SSBP2: variants seen among roughly 807,000 people sequenced by gnomAD.
SSBP2 encodes single-stranded DNA-binding protein 2.
In SSBP2, 17 loss-of-function variants were observed where a neutral mutation model predicts 61.8. That is an observed-to-expected ratio of 0.28 (90% confidence interval 0.19 to 0.41). SSBP2 has a LOEUF of 0.41. SSBP2 is among the 10% of genes least tolerant of loss of function. SSBP2 has a pLI of 1.00. For missense variants in SSBP2, 310 were observed against 458.7 expected, an observed-to-expected ratio of 0.68 and a Z score of 2.96; for synonymous variants, 139 against 141.3, an observed-to-expected ratio of 0.98 and a Z score of 0.12.
chr5:81,650,609 C>T (rs1218539373), intron 1 of SSBP2, among the ~76,000 whole-genome samples: 1 of 152,038 alleles, frequency 6.6e-6, no homozygotes. Flanking sequence ...TCTCACTTAT[C>T]ATAAGCTCAT....
At chr5:81,525,766 C>T (rs1260085069) in intron 4 of SSBP2, among the ~76,000 whole-genome samples, 1 of 152,044 alleles carries the variant, frequency 6.6e-6, no homozygotes, top group Admixed American at 6.6e-5. Context: ...ATAAGCTCTC[C>T]AAGGCAGATC....
At chr5:81,554,671 A>C (rs1159453140) in intron 4 of SSBP2, among the ~76,000 whole-genome samples, 1 of 149,318 alleles carries the variant, frequency 6.7e-6, no homozygotes, top group Non-Finnish European at 1.5e-5. Flanking sequence ...GACAAATAGA[A>C]AAAGAGGTTT....
At position 81,420,468 on chromosome 5, in the gene SSBP2, C is replaced by T; in HGVS notation, c.*36G>A. ...CCGTAGTAGTTCTGTGAAGGGCTGA[C>T]TCACTGTGGTTTTCATGAGGAGACT... On this transcript the variant is annotated 3_prime_UTR_variant, in exon 17 of 17. Coordinates refer to ENST00000320672, the MANE Select transcript of SSBP2 (RefSeq NM_012446.5). 1 of 1,603,348 alleles carries T rather than the reference C, an allele frequency of 6.2e-7. No individual in the cohort carries two copies. Among genetic ancestry groups the T allele is most frequent in the Non-Finnish European group, 8.5e-7 (1 of 1,170,292 alleles).
chr5:81,690,876 A>G (rs903399477), intron 1 of SSBP2, among the ~76,000 whole-genome samples: 4 of 152,154 alleles, frequency 2.6e-5, no homozygotes, highest in African/African-American at 9.6e-5. Flanking sequence ...AACTTCTTTG[A>G]CCACAATGAA....
At chr5:81,488,294 C>T (rs1215120603) in intron 6 of SSBP2, among the ~76,000 whole-genome samples, 1 of 151,470 alleles carries the variant, frequency 6.6e-6, no homozygotes, top group Admixed American at 6.6e-5. Context: ...GAAGAATCTC[C>T]ATACTGTTTT....
chr5:81,745,601 C>A (rs78272302), intron 1 of SSBP2, among the ~76,000 whole-genome samples: 1,559 of 152,100 alleles, frequency 0.01, 22 homozygotes, highest in African/African-American at 0.036. Flanking sequence ...ATCTGTAATT[C>A]CCACACCAAT....
chr5:81,607,758 A>T (rs1397873986), intron 4 of SSBP2, among the ~76,000 whole-genome samples: 1 of 152,182 alleles, frequency 6.6e-6, no homozygotes, highest in Non-Finnish European at 1.5e-5. Context: ...AGCCATTGAC[A>T]TAGTTTGAGT....
intron 4 of SSBP2, among the ~76,000 whole-genome samples, chr5:81,517,943 C>A (rs1769163559): frequency 6.6e-6 from 1 of 151,982 alleles, no homozygotes; most frequent in Admixed American, 6.6e-5. Context: ...TTCAAAGCAA[C>A]AGGCATTAAA....
At chr5:81,508,051 A>G (rs937251369) in intron 5 of SSBP2, among the ~76,000 whole-genome samples, 11 of 152,188 alleles carry the variant, frequency 7.2e-5, no homozygotes, top group African/African-American at 2.7e-4. Flanking sequence ...AATAAATAGC[A>G]TATCGATGCT....
chr5:81,597,223 AGAC>A (rs879838835), intron 4 of SSBP2, among the ~76,000 whole-genome samples: 67 of 152,372 alleles, frequency 4.4e-4, no homozygotes, highest in Middle Eastern at 6.8e-3. Context: ...CCTTCACAAA[AGAC>A]GACATTTATG....
intron 4 of SSBP2, among the ~76,000 whole-genome samples, chr5:81,548,178 T>C (rs537089458): frequency 3.9e-5 from 6 of 152,274 alleles, no homozygotes; most frequent in Admixed American, 1.3e-4. Context: ...GAGTGGTAGT[T>C]GCTGAATGAA....
intron 10 of SSBP2, among the ~76,000 whole-genome samples, chr5:81,451,059 A>C (rs959224996): frequency 6.6e-6 from 1 of 152,214 alleles, no homozygotes; most frequent in African/African-American, 2.4e-5. Flanking sequence ...GGGGAAAAAA[A>C]GCCCTGATTT....
rs191061477 is a variant in SSBP2 at position 81,553,126 on chromosome 5, A to G, written c.283-39409T>C. 7.4e-4 allele frequency among the ~76,000 whole-genome samples: 113 copies of G among 152,242 alleles called. 1 individual carries two copies. Among genetic ancestry groups the G allele is most frequent in the Admixed American group, 2.0e-3 (30 of 15,286 alleles). On this transcript the variant is annotated intron_variant, in intron 4 of 16. Transcript: ENST00000320672. ...CATGAGGCCTTGGGTGAGTCACTTA[A>G]GCTCAGTGATTTGATTAACAGCAAT...
intron 4 of SSBP2, among the ~76,000 whole-genome samples, chr5:81,514,570 G>A (rs1768864877): frequency 6.6e-6 from 1 of 151,956 alleles, no homozygotes; most frequent in Non-Finnish European, 1.5e-5. Context: ...AAAAACAGTC[G>A]AGAAGGGATC....
chr5:81,459,605 T>C (rs1764403140), intron 10 of SSBP2, among the ~76,000 whole-genome samples: 2 of 152,226 alleles, frequency 1.3e-5, no homozygotes, highest in East Asian at 3.8e-4. Context: ...ATGCAGATAA[T>C]GGAAATTCTT....
intron 5 of SSBP2, among the ~76,000 whole-genome samples, chr5:81,505,369 A>G (rs1239990719): frequency 6.6e-6 from 1 of 152,180 alleles, no homozygotes; most frequent in Non-Finnish European, 1.5e-5. Flanking sequence ...ACCTTGTAAT[A>G]AGTTATTCTT....
At chr5:81,505,967 CTCTG>C (rs1159540602) in intron 5 of SSBP2, among the ~76,000 whole-genome samples, 1 of 152,196 alleles carries the variant, frequency 6.6e-6, no homozygotes, top group African/African-American at 2.4e-5. Context: ...CTTCTTTGCT[CTCTG>C]TCCATCCAGT....
chr5:81,547,866 C>T (rs940274192), intron 4 of SSBP2, among the ~76,000 whole-genome samples: 3 of 151,800 alleles, frequency 2.0e-5, no homozygotes, highest in Non-Finnish European at 4.4e-5. Flanking sequence ...CTGGAAAAGG[C>T]AAAAGGAGAC....
chr5:81,612,752 AT>A (rs1745577003), intron 4 of SSBP2, among the ~76,000 whole-genome samples: 1 of 152,056 alleles, frequency 6.6e-6, no homozygotes, highest in Non-Finnish European at 1.5e-5. Context: ...TGAGTACTTT[AT>A]TTTAAATTAT....
Sources: gnomAD v4.1 joint callset for allele counts (sites outside exome capture counted in the v4.1 genomes callset) on GRCh38, gnomAD v4.1.1 for gene constraint, MANE v1.5 for transcripts, NCBI Gene and HGNC (gene_info 2026-07-23, HGNC 2026-07-21) for gene names.